The following ERCC1 variants were observed in gnomAD, a reference collection of about 807,000 sequenced individuals.
The protein encoded by ERCC1 is ERCC excision repair 1, endonuclease non-catalytic subunit, also known as DNA excision repair protein ERCC-1.
In ERCC1, 36 loss-of-function variants were observed where a neutral mutation model predicts 37.6. The observed-to-expected ratio is 0.96, with a 90% confidence interval of 0.73 to 1.26. ERCC1 has a LOEUF of 1.26. Ranked by LOEUF, ERCC1 falls within the 50% of genes most tolerant of loss-of-function variation. The pLI is 0.00. For synonymous variants in ERCC1, 156 were observed against 162.1 expected (o/e 0.96, Z 0.28); for missense variants, 349 against 376.5 (o/e 0.93, Z 0.60).
At chr19:45,442,416 A>G (rs891515575) in intron 1 of ERCC1, among the ~76,000 whole-genome samples, 4 of 152,096 alleles carry the variant, frequency 2.6e-5, no homozygotes, top group African/African-American at 9.7e-5. Context: ...ACTTCTCAAT[A>G]TTAACTATTT....
At chr19:45,433,174 G>A (rs1974879293) in intron 1 of ERCC1, among the ~76,000 whole-genome samples, 1 of 152,176 alleles carries the variant, frequency 6.6e-6, no homozygotes. Flanking sequence ...CAGATCACTT[G>A]AGGTCAGGAG....
intron 1 of ERCC1, 74 bp from the exon 2 acceptor site, chr19:45,423,455 T>G (rs1974564787): frequency 1.3e-6 from 2 of 1,520,798 alleles, no homozygotes; most frequent in African/African-American, 3.3e-5. Context: ...AACCCCCCAC[T>G]CACAGCCGTC....
At chr19:45,422,444 T>C (rs1974494000) in intron 2 of ERCC1, among the ~76,000 whole-genome samples, 2 of 151,886 alleles carry the variant, frequency 1.3e-5, no homozygotes, top group Non-Finnish European at 1.5e-5. Flanking sequence ...AGATGTCACC[T>C]CCTCAGAGAG....
chr19:45,423,890 A>T lies in ERCC1; in HGVS notation c.-117T>A. The T allele has an allele frequency of 9.0e-7, 1 of 1,105,654 alleles. No homozygotes were observed. Among genetic ancestry groups the T allele is most frequent in the South Asian group, 3.5e-5 (1 of 28,608 alleles). 68.5% of individuals were successfully genotyped at this position (1,105,654 alleles called of 1,614,324 possible). On this transcript the variant is annotated 5_prime_UTR_variant, in exon 1 of 10. Transcript: ENST00000300853. Reference sequence around the variant, plus strand: ...GAGGCGGCCCACTGCCAGCACGGCCAGCGTGGCCCAGGGCTCGCAGCACTT... The same window carrying T: ...GAGGCGGCCCACTGCCAGCACGGCCTGCGTGGCCCAGGGCTCGCAGCACTT...
At chr19:45,447,486 G>A (rs62109567) in intron 1 of ERCC1, among the ~76,000 whole-genome samples, 1,571 of 152,144 alleles carry the variant, frequency 0.01, 15 homozygotes, top group Middle Eastern at 0.048. Flanking sequence ...TGTCGGTCAG[G>A]CTGGTCTTGA....
chr19:45,420,519 CTCCCACCTCT>C lies in ERCC1; in HGVS notation c.322-102_322-93del, dbSNP rs1974351507. 3 of 785,696 alleles carry C rather than the reference CTCCCACCTCT, an allele frequency of 3.8e-6. No homozygotes were observed. Among genetic ancestry groups the C allele is most frequent in the East Asian group, 5.3e-5 (2 of 37,758 alleles). 48.7% of individuals were successfully genotyped at this position (785,696 alleles called of 1,614,324 possible). A position where few individuals can be genotyped will look rare whatever the true frequency, so the allele number is the denominator to read the frequency against. The stretch of plus-strand genomic sequence containing the variant: ...CACCTCTTCTTGCACCTCCTCCCTC[CTCCCACCTCT>C]TCCCACACCTCCTGCCTCCTCGCAC... On this transcript the variant is annotated intron_variant, in intron 3 of 9. Coordinates refer to ENST00000300853, the MANE Select transcript of ERCC1 (RefSeq NM_001983.4). This position sits in a 1 kb window ranked among gnomAD's most constrained non-coding sequence, Gnocchi z 4.8.
At chr19:45,428,652 G>C (rs963084672), upstream of ERCC1, among the ~76,000 whole-genome samples, 2 of 152,230 alleles carry the variant, frequency 1.3e-5, no homozygotes, top group East Asian at 1.9e-4. Context: ...GGTGGGGACG[G>C]AGACTGTAAG....
chr19:45,416,004 G>A (rs773180509), intron 6 of ERCC1, among the ~76,000 whole-genome samples: 33 of 152,010 alleles, frequency 2.2e-4, no homozygotes, highest in African/African-American at 5.6e-4. Flanking sequence ...GTGTGGTGGC[G>A]CGTGCCTTTA....
At chr19:45,414,744 G>T in intron 7 of ERCC1, 117 bp downstream of exon 7, 1 of 765,842 alleles carries the variant, frequency 1.3e-6, no homozygotes, top group South Asian at 1.4e-5. Flanking sequence ...GGTGGGATGG[G>T]CCAGGAAAGA....
chr19:45,444,393 C>CG (rs1215323295), intron 1 of ERCC1, among the ~76,000 whole-genome samples: 3 of 151,614 alleles, frequency 2.0e-5, no homozygotes, highest in African/African-American at 7.3e-5. Context: ...GCCGCCCCCC[C>CG]GCGGTGGCCC....
At chr19:45,415,071 C>G (rs1047648605) in intron 6 of ERCC1, 111 bp from the exon 7 acceptor site, 3 of 719,272 alleles carry the variant, frequency 4.2e-6, no homozygotes, top group East Asian at 3.0e-5. Context: ...CGGTGGCTCA[C>G]GCCTGTAATC....
At chr19:45,442,482 G>A (rs933627241) in intron 1 of ERCC1, among the ~76,000 whole-genome samples, 1 of 152,148 alleles carries the variant, frequency 6.6e-6, no homozygotes, top group African/African-American at 2.4e-5. Context: ...CCTGGCCTAT[G>A]CAAAGCCCAT....
intron 6 of ERCC1, 138 bp from the exon 7 acceptor site, chr19:45,415,098 A>G: frequency 1.7e-6 from 1 of 596,978 alleles, no homozygotes; most frequent in Non-Finnish European, 3.1e-6. Flanking sequence ...CTTTGGGATG[A>G]TGAGGCAGGC....
chr19:45,431,887 G>A (rs1013941857), intron 1 of ERCC1, among the ~76,000 whole-genome samples: 2 of 151,988 alleles, frequency 1.3e-5, no homozygotes, highest in African/African-American at 4.8e-5. Context: ...CTGAGACCCT[G>A]CCTCAAAAAA....
chr19:45,421,695 G>A (rs372416395), intron 2 of ERCC1, among the ~76,000 whole-genome samples: 13 of 150,146 alleles, frequency 8.7e-5, no homozygotes, highest in Non-Finnish European at 1.5e-4. Flanking sequence ...GTGCAGTGGC[G>A]TGATCTCGGC....
intron 1 of ERCC1, among the ~76,000 whole-genome samples, chr19:45,433,193 C>T (rs1255801130): frequency 1.3e-5 from 2 of 152,058 alleles, no homozygotes; most frequent in Admixed American, 6.6e-5. Flanking sequence ...AGTTTGAGAC[C>T]GGCCTGGGCA....
chr19:45,414,093 A>G, intron 7 of ERCC1, 59 bp from the exon 8 acceptor site: 1 of 1,401,634 alleles, frequency 7.1e-7, no homozygotes, highest in Non-Finnish European at 1.0e-6. Flanking sequence ...GACTGAGCCT[A>G]GGAGGGCAGG....
chr19:45,444,125 G>C (rs1472730403), intron 1 of ERCC1, among the ~76,000 whole-genome samples: 3 of 139,930 alleles, frequency 2.1e-5, no homozygotes, highest in African/African-American at 8.0e-5. Flanking sequence ...GCCCTCCCTA[G>C]CCCCCGACTC....
chr19:45,435,404 AG>A, intron 1 of ERCC1, among the ~76,000 whole-genome samples: 1 of 152,224 alleles, frequency 6.6e-6, no homozygotes, highest in African/African-American at 2.4e-5. Context: ...CAAACAAACT[AG>A]GACTCCAACC....
Sources: gnomAD v4.1 joint callset for allele counts (sites outside exome capture counted in the v4.1 genomes callset) on GRCh38, gnomAD v4.1.1 for gene constraint, Gnocchi (gnomAD v3.1) non-coding constraint, MANE v1.5 for transcripts, NCBI Gene and HGNC (gene_info 2026-07-23, HGNC 2026-07-21) for gene names.